The following CREBZF variants were observed in gnomAD, a reference collection of about 807,000 sequenced individuals.
The protein encoded by CREBZF is HCF-binding transcription factor Zhangfei.
Under a neutral mutation model 21.1 loss-of-function variants are expected in CREBZF, and 8 were observed. The observed-to-expected ratio is 0.38, with a 90% CI of 0.22 to 0.68. The LOEUF (loss-of-function observed/expected upper bound fraction) is 0.68. Ranked by LOEUF, CREBZF falls within the 30% of genes least tolerant of loss-of-function variation. The pLI, the probability that CREBZF is intolerant of heterozygous loss-of-function variation, is 0.51. For synonymous variants in CREBZF, 270 were observed against 223.3 expected, an observed-to-expected ratio of 1.21 and a Z score of -1.86; for missense variants, 518 against 484.3, an observed-to-expected ratio of 1.07 and a Z score of -0.65.
At position 85,659,505 on chromosome 11, in the gene CREBZF, TAAG is replaced by T. The variant is rs1367147902; in HGVS notation, c.*4303_*4305del. On this transcript the variant is annotated 3_prime_UTR_variant, in exon 1 of 1. Transcript: ENST00000527447. ...CAGGCACTGAATACACTTAAAATGG[TAAG>T]AAACTGAATGGATTTAATAAGTTTT... Among the ~76,000 whole-genome samples, 3 of 152,040 alleles carry T rather than the reference TAAG, an allele frequency of 2.0e-5. No homozygotes were observed. In the East Asian group the frequency reaches 5.8e-4, roughly 29 times the overall value.
At chr11:85,678,927 G>A (rs912029840) in intron 1 of CREBZF, among the ~76,000 whole-genome samples, 1 of 152,194 alleles carries the variant, frequency 6.6e-6, no homozygotes, top group Non-Finnish European at 1.5e-5. Flanking sequence ...CTCTCTCAAA[G>A]AGTTTGCATG....
chr11:85,680,131 C>A (rs2082967370), intron 1 of CREBZF, among the ~76,000 whole-genome samples: 1 of 152,102 alleles, frequency 6.6e-6, no homozygotes, highest in Non-Finnish European at 1.5e-5. Context: ...CATGCTAATA[C>A]CCCTCTCCTC....
intron 1 of CREBZF, among the ~76,000 whole-genome samples, chr11:85,673,859 A>G (rs2082927716): frequency 6.6e-6 from 1 of 152,232 alleles, no homozygotes; most frequent in Non-Finnish European, 1.5e-5. Flanking sequence ...CATCTTCACC[A>G]GAAATAGATT....
At chr11:85,676,989 A>G (rs1185345828) in intron 1 of CREBZF, among the ~76,000 whole-genome samples, 2 of 61,668 alleles carry the variant, frequency 3.2e-5, no homozygotes, top group Non-Finnish European at 6.0e-5. Context: ...TTTGAGACAG[A>G]ATGTCACTCT....
intron 1 of CREBZF, among the ~76,000 whole-genome samples, chr11:85,677,678 C>T (rs1388933415): frequency 1.3e-5 from 2 of 152,190 alleles, no homozygotes; most frequent in East Asian, 1.9e-4. Context: ...CTAGGAGGTG[C>T]TGCTCTGCAT....
Position 85,660,638 on chromosome 11 carries a change from A to C in CREBZF, c.*3173T>G. 1 of 451,938 alleles carries C rather than the reference A, an allele frequency of 2.2e-6. No individual in the cohort carries two copies. Among genetic ancestry groups the C allele is most frequent in the South Asian group, 1.6e-5 (1 of 63,432 alleles). 28.0% of individuals were successfully genotyped at this position (451,938 alleles called of 1,614,324 possible). On this transcript the variant is annotated 3_prime_UTR_variant, in exon 1 of 1. Coordinates refer to ENST00000527447, the MANE Select transcript of CREBZF (RefSeq NM_001039618.4). ...AGAGAGAGATTAATTTAGTGATTAT[A>C]AAATGCACAAATATTTAAAATATTT...
chr11:85,674,014 A>G (rs60032790), intron 1 of CREBZF, among the ~76,000 whole-genome samples: 10,144 of 152,228 alleles, frequency 0.067, 1,095 homozygotes, highest in African/African-American at 0.23. Context: ...CTTCTATCAC[A>G]TCTGCAGTTA....
Position 85,662,318 on chromosome 11 carries a change from T to G in CREBZF, c.*1493A>C. ...GGACTGCTGGAAAATACTTTTTAATTATGAACATGTTAAAAATAAAAAACA... is the reference window on the plus strand; with the variant it reads ...GGACTGCTGGAAAATACTTTTTAATGATGAACATGTTAAAAATAAAAAACA... On this transcript the variant is annotated 3_prime_UTR_variant, in exon 1 of 1. Coordinates refer to ENST00000527447, the MANE Select transcript of CREBZF (RefSeq NM_001039618.4). 1 of 683,864 alleles carries G rather than the reference T, an allele frequency of 1.5e-6. No homozygotes were observed. Among genetic ancestry groups the G allele is most frequent in the Non-Finnish European group, 2.7e-6 (1 of 367,318 alleles). 42.4% of individuals were successfully genotyped at this position (683,864 alleles called of 1,614,324 possible).
In CREBZF at chr11:85,658,101, C is replaced by T. The variant is rs2082568215; in HGVS notation, c.*5710G>A. Among the ~76,000 whole-genome samples the T allele has an allele frequency of 1.3e-5, 2 of 151,938 alleles. No individual in the cohort carries two copies. The highest frequency in any genetic ancestry group is 4.1e-4 in the South Asian group (2 of 4,834). ...TATATTCTGTCACTTTTACTAAAAG[C>T]AGAGTTCTACTCATCCCAGTGAAAA... On this transcript the variant is annotated 3_prime_UTR_variant, in exon 1 of 1. Coordinates refer to ENST00000527447, the MANE Select transcript of CREBZF (RefSeq NM_001039618.4).
intron 1 of CREBZF, among the ~76,000 whole-genome samples, chr11:85,675,411 A>G (rs1302632320): frequency 6.6e-6 from 1 of 152,160 alleles, no homozygotes; most frequent in Non-Finnish European, 1.5e-5. Context: ...ACCCAAGGAG[A>G]GGGAGAGAGA....
Position 85,664,708 on chromosome 11 carries a change from C to A in CREBZF, c.168G>T (p.Gln56His), listed in dbSNP as rs1046067643. Residue 56 changes from glutamine to histidine, a missense_variant, in exon 1 of 1, where the codon CAG becomes CAT. Transcript: ENST00000527447. This position sits in a 1 kb window ranked among gnomAD's most constrained non-coding sequence, Gnocchi z 5.5. ...CTTCCAACTCTCCTTCGTCGCCAAA[C>A]TGCTGCTTGCGGCCGGGAGATCCGG... ...AAAGSPGRKQ[Q>H]FGDEGELEAG... 1.2e-6 allele frequency: 2 copies of A among 1,605,722 alleles called. No homozygotes were observed. The highest frequency in any genetic ancestry group is 4.5e-5 in the East Asian group (2 of 44,814).
In CREBZF at chr11:85,665,033, C is replaced by G; in HGVS notation, c.-158G>C. The G allele has an allele frequency of 2.1e-6, 1 of 484,154 alleles. No individual in the cohort carries two copies. Among genetic ancestry groups the G allele is most frequent in the Non-Finnish European group, 3.5e-6 (1 of 289,114 alleles). The allele number at this position is 484,154 out of a possible 1,614,324, so 30.0% of individuals were successfully genotyped here. Reference sequence around the variant, plus strand: ...CTCCCGCCTCACTTGGCTAGTCGACCCCCCGCGCCAAGGCGCGGGGAGGGA... The same window carrying G: ...CTCCCGCCTCACTTGGCTAGTCGACGCCCCGCGCCAAGGCGCGGGGAGGGA... On this transcript the variant is annotated 5_prime_UTR_variant, in exon 1 of 1. Transcript: ENST00000527447.
rs1248774639 is a variant in CREBZF, at chr11:85,664,244, C to A, written c.632G>T (p.Arg211Leu). 1 of 1,612,732 alleles carries A rather than the reference C, an allele frequency of 6.2e-7. No homozygotes were observed. The highest frequency in any genetic ancestry group is 8.5e-7 in the Non-Finnish European group (1 of 1,179,828). Residue 211 changes from arginine (R) to leucine (L), a missense_variant, in exon 1 of 1, where the codon CGG becomes CTG. By Grantham distance (102) the Arg-to-Leu change is moderately radical. Around this residue, in one of 3 missense-constraint regions of CREBZF, gnomAD observed 396 missense variants for 324.4 expected, o/e 1.22. Coordinates refer to ENST00000527447, the MANE Select transcript of CREBZF (RefSeq NM_001039618.4). The surrounding 1 kb of genome is among the most constrained non-coding windows in gnomAD (Gnocchi z 5.5). ...DNNQAATKSP[R>L]KAAAAAARLN... The stretch of plus-strand genomic sequence containing the variant: ...GCGGGCAGCGGCCGCCGCCGCCTTC[C>A]GGGGACTCTTTGTCGCCGCCTGGTT...
At chr11:85,668,871 G>A (rs1327982408), upstream of CREBZF, among the ~76,000 whole-genome samples, 2 of 149,916 alleles carry the variant, frequency 1.3e-5, no homozygotes, top group Non-Finnish European at 3.0e-5. Context: ...GCGTGGTAGC[G>A]GGCGCCTGTA....
upstream of CREBZF, among the ~76,000 whole-genome samples, chr11:85,667,318 C>A (rs1174410205): frequency 1.3e-5 from 2 of 152,122 alleles, no homozygotes; most frequent in Non-Finnish European, 1.5e-5. Context: ...GGTGATCTGC[C>A]CGACTCAGCC....
At chr11:85,670,618 A>G (rs932318221) in intron 1 of CREBZF, among the ~76,000 whole-genome samples, 1 of 152,168 alleles carries the variant, frequency 6.6e-6, no homozygotes, top group African/African-American at 2.4e-5. Context: ...TTCTTTAACC[A>G]TAGATTTTCC....
In CREBZF at chr11:85,672,041, G is replaced by A. The variant is rs138280446; in HGVS notation, n.148-8440C>T. ...CAAACTTATGCCTGGACAGCCAAGT[G>A]TTTCCATACATCCTCTAAAATCTCG... On this transcript the variant is annotated intron_variant and non_coding_transcript_variant, in intron 1 of 3. Transcript: ENST00000531515. Among the ~76,000 whole-genome samples, 19 of 152,366 alleles carry A rather than the reference G, an allele frequency of 1.2e-4. No individual in the cohort carries two copies. In the East Asian group the frequency reaches 3.3e-3, roughly 26 times the overall value.
chr11:85,659,137 A>T lies in CREBZF; in HGVS notation c.*4674T>A, dbSNP rs7946793. ...GCTCAGAAAAACAGCAAAAATATTA[A>T]CATTTAGGAGTCTCAAAACTTTGTA... On this transcript the variant is annotated 3_prime_UTR_variant, in exon 1 of 1. Coordinates refer to ENST00000527447, the MANE Select transcript of CREBZF (RefSeq NM_001039618.4). Among the ~76,000 whole-genome samples, 10,130 of 152,080 alleles carry T rather than the reference A, an allele frequency of 0.067. 1,092 individuals are homozygous for T. The highest frequency in any genetic ancestry group is 0.23 in the African/African-American group (9,626 of 41,492).
At position 85,660,603 on chromosome 11, in the gene CREBZF, C is replaced by T. The variant is rs1171599113; in HGVS notation, c.*3208G>A. 3 of 453,234 alleles carry T rather than the reference C, an allele frequency of 6.6e-6. No homozygotes were observed. Among genetic ancestry groups the T allele is most frequent in the Non-Finnish European group, 8.9e-6 (2 of 225,636 alleles). The allele number at this position is 453,234 out of a possible 1,614,324, so 28.1% of individuals were successfully genotyped here. On this transcript the variant is annotated 3_prime_UTR_variant, in exon 1 of 1. Transcript: ENST00000527447. The stretch of plus-strand genomic sequence containing the variant: ...TTTTTGCAGACACTGCTAAGCTGTT[C>T]AAAGAGAAGAGAGAGAGATTAATTT...
Sources: gnomAD v4.1 joint callset for allele counts (sites outside exome capture counted in the v4.1 genomes callset) on GRCh38, gnomAD v4.1.1 for gene constraint, gnomAD v4.1.1 regional missense constraint, Gnocchi (gnomAD v3.1) non-coding constraint, MANE v1.5 for transcripts, NCBI Gene and HGNC (gene_info 2026-07-23, HGNC 2026-07-21) for gene names.